The following ITGAM variants were observed in gnomAD, a reference collection of about 807,000 sequenced individuals.
ITGAM encodes integrin alpha-M.
A neutral mutation model predicts 137.5 loss-of-function variants in ITGAM; 79 were observed. The observed-to-expected ratio is 0.57, with a 90% confidence interval of 0.48 to 0.69. The LOEUF is 0.69. Ranked by LOEUF, ITGAM falls within the 30% of genes least tolerant of loss-of-function variation. The pLI is 0.00. For synonymous variants in ITGAM, 583 were observed against 592.3 expected (o/e 0.98, Z 0.23); for missense variants, 1,343 against 1,483.5 (o/e 0.91, Z 1.56).
Position 31,275,558 on chromosome 16 carries a change from G to A in ITGAM, c.868G>A (p.Ala290Thr). 6.2e-7 allele frequency: 1 copy of A among 1,613,918 alleles called. No individual in the cohort carries two copies. The highest frequency in any genetic ancestry group is 1.1e-5 in the South Asian group (1 of 91,076). ...TGTTCCTTGGTAACAGGTGGGAGAT[G>A]CCTTCCGCAGTGAGAAATCCCGCCA... ...VIRYVIGVGD[A>T]FRSEKSRQEL... Residue 290 changes from alanine to threonine, a missense_variant, in exon 9 of 30, where the codon GCC becomes ACC. By Grantham distance (58) the Ala-to-Thr change is moderately conservative. Coordinates refer to ENST00000544665, the MANE Select transcript of ITGAM (RefSeq NM_000632.4).
intron 14 of ITGAM, among the ~76,000 whole-genome samples, chr16:31,299,653 A>T (rs957640034): frequency 1.3e-5 from 2 of 152,178 alleles, no homozygotes; most frequent in African/African-American, 4.8e-5. Flanking sequence ...ACCACGCCGT[A>T]TTCATCCTTT....
rs895362511 is a variant in ITGAM, at chr16:31,325,745, A to G, written c.2628+123A>G. Reference sequence around the variant, plus strand: ...AAACAGCTTTATTGAGATATAATTCATATACCATCCAATTCACCTATTTAA... The same window carrying G: ...AAACAGCTTTATTGAGATATAATTCGTATACCATCCAATTCACCTATTTAA... On this transcript the variant is annotated intron_variant, in intron 21 of 29. Transcript: ENST00000544665. 5.8e-5 allele frequency: 69 copies of G among 1,185,388 alleles called. No individual in the cohort carries two copies. In the African/African-American group the frequency reaches 1.0e-3, roughly 18 times the overall value. 73.4% of individuals were successfully genotyped at this position (1,185,388 alleles called of 1,614,324 possible).
chr16:31,271,703 C>T (rs919184175), intron 6 of ITGAM, 144 bp from the exon 7 acceptor site: 38 of 967,872 alleles, frequency 3.9e-5, no homozygotes, highest in African/African-American at 1.3e-4. Flanking sequence ...GGCAGCTCTC[C>T]GTCCTGGTGA....
chr16:31,330,210 C>G, intron 26 of ITGAM, 46 bp downstream of exon 26: 1 of 1,600,116 alleles, frequency 6.2e-7, no homozygotes, highest in Non-Finnish European at 8.6e-7. Context: ...ACCCAGAGCG[C>G]TTCCCTGCTG....
intron 6 of ITGAM, among the ~76,000 whole-genome samples, chr16:31,271,289 A>G (rs2079836935): frequency 6.6e-6 from 1 of 152,130 alleles, no homozygotes; most frequent in African/African-American, 2.4e-5. Flanking sequence ...GGCAGCTCTA[A>G]TTGTTAAGGT....
chr16:31,275,442 T>A, intron 8 of ITGAM, 107 bp from the exon 9 acceptor site: 1 of 1,211,740 alleles, frequency 8.3e-7, no homozygotes, highest in East Asian at 2.4e-5. Context: ...CTGATGCATT[T>A]CCTCACTTGA....
intron 12 of ITGAM, among the ~76,000 whole-genome samples, chr16:31,295,925 T>C (rs2080128107): frequency 1.3e-5 from 2 of 151,976 alleles, no homozygotes; most frequent in South Asian, 2.1e-4. Flanking sequence ...GTTTTTATTA[T>C]AAAAGAATGT....
Position 31,275,637 on chromosome 16 carries a change from A to G in ITGAM, c.947A>G (p.Asn316Ser), listed in dbSNP as rs1281267920. ...KPPRDHVFQVNNFEALKTIQN... is the reference protein window; with the variant it reads ...KPPRDHVFQVSNFEALKTIQN... ...CCTCGTGATCACGTGTTCCAGGTGA[A>G]TAACTTTGAGGCTCTGAAGACCATT... is the stretch of plus-strand genomic sequence containing the variant. The change falls in exon 9 of 30, where the codon AAT (asparagine) becomes AGT (serine). Residue 316 changes from asparagine to serine, a missense_variant. By Grantham distance (46) the Asn-to-Ser change is conservative (BLOSUM62 1). Transcript: ENST00000544665. The G allele has an allele frequency of 6.2e-7, 1 of 1,613,792 alleles. No individual in the cohort carries two copies. The highest frequency in any genetic ancestry group is 8.5e-7 in the Non-Finnish European group (1 of 1,179,886).
At chr16:31,268,416 C>T (rs918136839) in intron 5 of ITGAM, among the ~76,000 whole-genome samples, 6 of 152,160 alleles carry the variant, frequency 3.9e-5, no homozygotes, top group African/African-American at 1.4e-4. Flanking sequence ...AATTCCAGCA[C>T]TTTGGGAGGT....
Position 31,297,594 on chromosome 16 carries a change from C to T in ITGAM, c.1437C>T (p.Ala479=), listed in dbSNP as rs745952346. ...GCACCGACCTGGTCCTCATCGGGGC[C>T]CCCCATTACTACGAGCAGACCCGAG... ...NGSTDLVLIG[A]PHYYEQTRGG... The change falls in exon 13 of 30, where the codon GCC becomes GCT. Residue 479 remains alanine (A), a synonymous_variant. Transcript: ENST00000544665. The T allele has an allele frequency of 3.1e-6, 5 of 1,612,638 alleles. No homozygotes were observed. Among genetic ancestry groups the T allele is most frequent in the Non-Finnish European group, 4.2e-6 (5 of 1,179,914 alleles).
intron 12 of ITGAM, 93 bp downstream of exon 12, chr16:31,278,202 C>T: frequency 2.2e-6 from 3 of 1,369,816 alleles, no homozygotes; most frequent in Non-Finnish European, 3.0e-6. Flanking sequence ...ATGCATGGCC[C>T]TCTTGTAAAG....
At chr16:31,289,998 T>C (rs2080070450) in intron 12 of ITGAM, among the ~76,000 whole-genome samples, 1 of 150,752 alleles carries the variant, frequency 6.6e-6, no homozygotes, top group South Asian at 2.1e-4. Flanking sequence ...GGAGAATCGC[T>C]TGAATCTGGG....
rs913683804 is a variant in ITGAM, at chr16:31,331,936, TGA to T, written c.*231_*232del. 2.9e-5 allele frequency: 16 copies of T among 560,452 alleles called. No individual in the cohort carries two copies. The highest frequency in any genetic ancestry group is 1.7e-4 in the Admixed American group (5 of 28,622). 34.7% of individuals were successfully genotyped at this position (560,452 alleles called of 1,614,324 possible). ...GCATGTGCACTTGCACGCCCATGTG[TGA>T]GTGTGTGCAAGTATGTGAGTGTGTC... is the stretch of plus-strand genomic sequence containing the variant. On this transcript the variant is annotated 3_prime_UTR_variant, in exon 30 of 30. Transcript: ENST00000544665.
chr16:31,269,609 AG>A (rs1246750838), intron 5 of ITGAM, among the ~76,000 whole-genome samples: 7 of 152,090 alleles, frequency 4.6e-5, no homozygotes, highest in Middle Eastern at 3.2e-3. Context: ...ATTTACAAAG[AG>A]GGGGGTTTAT....
intron 14 of ITGAM, among the ~76,000 whole-genome samples, chr16:31,313,651 C>T (rs2080359232): frequency 6.6e-6 from 1 of 152,126 alleles, no homozygotes; most frequent in Non-Finnish European, 1.5e-5. Flanking sequence ...AGGTTGGTTC[C>T]AAGTCTTTGC....
Position 31,332,052 on chromosome 16 carries a change from G to T in ITGAM, c.*345G>T. 3.8e-6 allele frequency: 1 copy of T among 263,666 alleles called. No individual in the cohort carries two copies. The highest frequency in any genetic ancestry group is 7.3e-5 in the East Asian group (1 of 13,606). 16.3% of individuals were successfully genotyped at this position (263,666 alleles called of 1,614,324 possible). A position where few individuals can be genotyped will look rare whatever the true frequency, so the allele number is the denominator to read the frequency against. Reference sequence around the variant, plus strand: ...GTGTGCTCAGGGGCGTGTGGCTCACGTGTGTGACTCAGATGTCTCTGGCGT... The same window carrying T: ...GTGTGCTCAGGGGCGTGTGGCTCACTTGTGTGACTCAGATGTCTCTGGCGT... On this transcript the variant is annotated 3_prime_UTR_variant, in exon 30 of 30. Transcript: ENST00000544665.
intron 14 of ITGAM, among the ~76,000 whole-genome samples, chr16:31,306,469 C>T (rs2080265882): frequency 6.6e-6 from 1 of 151,594 alleles, no homozygotes; most frequent in African/African-American, 2.4e-5. Flanking sequence ...CTCAAACCTT[C>T]ACAGCTAATG....
At chr16:31,319,072 A>T (rs1368966041) in intron 14 of ITGAM, among the ~76,000 whole-genome samples, 2 of 151,986 alleles carry the variant, frequency 1.3e-5, no homozygotes, top group African/African-American at 4.8e-5. Flanking sequence ...AAGATTCTTG[A>T]TATAATTTAA....
intron 5 of ITGAM, among the ~76,000 whole-genome samples, chr16:31,267,550 G>A (rs1041437106): frequency 2.0e-5 from 3 of 152,086 alleles, no homozygotes; most frequent in African/African-American, 4.8e-5. Context: ...TGACTCACTC[G>A]TTTTAGAGGA....
Sources: gnomAD v4.1 joint callset for allele counts (sites outside exome capture counted in the v4.1 genomes callset) on GRCh38, gnomAD v4.1.1 for gene constraint, MANE v1.5 for transcripts, NCBI Gene and HGNC (gene_info 2026-07-23, HGNC 2026-07-21) for gene names.